EDNRB: variants seen among roughly 807,000 people sequenced by gnomAD.
EDNRB encodes Hirschsprung disease 2.
In EDNRB, 18 loss-of-function variants were observed where a neutral mutation model predicts 46.4. That is an observed-to-expected ratio of 0.39 (90% CI 0.27 to 0.57). The LOEUF (loss-of-function observed/expected upper bound fraction) is 0.57, where lower values mean the gene tolerates loss of function less well. Among genes scored for constraint, EDNRB ranks in the 20% least tolerant of loss-of-function variants. EDNRB has a pLI of 0.61. For synonymous variants in EDNRB, 213 were observed against 204.9 expected (o/e 1.04, Z -0.34); for missense variants, 434 against 537.5 (o/e 0.81, Z 1.90).
chr13:77,965,317 G>A (rs1881549375), intron 1 of EDNRB, among the ~76,000 whole-genome samples: 1 of 152,174 alleles, frequency 6.6e-6, no homozygotes, highest in Admixed American at 6.5e-5. Context: ...TTAGGGATAA[G>A]TGTGAACATT....
At chr13:77,945,879 A>C (rs1338312658) in intron 1 of EDNRB, among the ~76,000 whole-genome samples, 2 of 144,694 alleles carry the variant, frequency 1.4e-5, no homozygotes, top group African/African-American at 2.5e-5. Flanking sequence ...AAAAAACCAA[A>C]AAAAAAAAAA....
rs199907619 is a variant in EDNRB, at chr13:77,895,571, A to G, written c.*2629T>C. The G allele has an allele frequency of 4.6e-5, 7 of 152,070 alleles. No individual in the cohort carries two copies. Among genetic ancestry groups the G allele is most frequent in the African/African-American group, 1.7e-4 (7 of 41,432 alleles). 9.4% of individuals were successfully genotyped at this position (152,070 alleles called of 1,614,324 possible). On this transcript the variant is annotated 3_prime_UTR_variant, in exon 7 of 7. Transcript: ENST00000646607. The stretch of plus-strand genomic sequence containing the variant: ...AACATAAATAATGTCCACTTGTCAC[A>G]TTTATATTTCTTTTAAACAATCAAT...
chr13:77,945,876 C>CAAAAAAA (rs67463440), intron 1 of EDNRB, among the ~76,000 whole-genome samples: 1 of 115,610 alleles, frequency 8.6e-6, no homozygotes, highest in Non-Finnish European at 1.8e-5. Flanking sequence ...TGCAAAAAAC[C>CAAAAAAA]AAAAAAAAAA....
upstream of EDNRB, among the ~76,000 whole-genome samples, chr13:77,921,952 GT>G (rs992858804): frequency 6.2e-4 from 94 of 150,952 alleles, no homozygotes; most frequent in African/African-American, 2.0e-3. Context: ...TATGGATATA[GT>G]TTTTTTTTCA....
At chr13:77,923,051 T>C (rs1335147782), upstream of EDNRB, among the ~76,000 whole-genome samples, 1 of 152,186 alleles carries the variant, frequency 6.6e-6, no homozygotes, top group African/African-American at 2.4e-5. Flanking sequence ...GATTGCTTGA[T>C]GGTACCAAAT....
intron 1 of EDNRB, among the ~76,000 whole-genome samples, chr13:77,967,373 G>A (rs1016761771): frequency 1.3e-5 from 2 of 152,166 alleles, no homozygotes; most frequent in African/African-American, 2.4e-5. Flanking sequence ...ACTTTCTCTA[G>A]CACCATCATC....
At chr13:77,934,178 A>G (rs1447232607) in intron 1 of EDNRB, among the ~76,000 whole-genome samples, 1 of 152,178 alleles carries the variant, frequency 6.6e-6, no homozygotes, top group Non-Finnish European at 1.5e-5. Flanking sequence ...GAGTATGACT[A>G]GAGAGAATAA....
intron 1 of EDNRB, chr13:77,940,073 C>T (rs1199101271): frequency 6.6e-6 from 1 of 151,902 alleles, no homozygotes; most frequent in African/African-American, 2.4e-5. Flanking sequence ...TTATAAAATT[C>T]ATGTCATGGT....
intron 1 of EDNRB, among the ~76,000 whole-genome samples, chr13:77,946,066 T>A (rs915210492): frequency 6.6e-6 from 1 of 152,130 alleles, no homozygotes; most frequent in Non-Finnish European, 1.5e-5. Flanking sequence ...GTCTGAGGCA[T>A]GAATAATTAC....
chr13:77,908,683 A>G (rs1000995477), intron 1 of EDNRB, among the ~76,000 whole-genome samples: 1 of 151,870 alleles, frequency 6.6e-6, no homozygotes, highest in African/African-American at 2.4e-5. Context: ...CTTATTCCCT[A>G]TTTTTAGTTT....
chr13:77,931,744 C>CAAAAAAAAAAAAAAAAAAAAAA (rs67176737), intron 1 of EDNRB, among the ~76,000 whole-genome samples: 111 of 83,162 alleles, frequency 1.3e-3, no homozygotes, highest in South Asian at 1.7e-3. Flanking sequence ...ACTGTAGTAG[C>CAAAAAAAAAAAAAAAAAAAAAA]AAAAAAAAAA....
At position 77,899,220 on chromosome 13, in the gene EDNRB, A is replaced by C. The variant is rs536309579; in HGVS notation, c.1194+639T>G. 4.1e-4 allele frequency among the ~76,000 whole-genome samples: 62 copies of C among 152,062 alleles called. No homozygotes were observed. The South Asian group carries it at 0.013, about 31-fold the overall frequency. On this transcript the variant is annotated intron_variant, in intron 6 of 6. Transcript: ENST00000646607. Reference sequence around the variant, plus strand: ...GCGGGAGCTACGTTCTTAGCTTTCCAGTAGTGAAATACCATGGACAAATGG... The same window carrying C: ...GCGGGAGCTACGTTCTTAGCTTTCCCGTAGTGAAATACCATGGACAAATGG...
chr13:77,931,111 T>G (rs1880384297), intron 1 of EDNRB, among the ~76,000 whole-genome samples: 1 of 152,168 alleles, frequency 6.6e-6, no homozygotes, highest in South Asian at 2.1e-4. Flanking sequence ...ACTAAGATAA[T>G]TTCAGCCTGT....
chr13:77,956,190 T>C (rs1354594805), intron 1 of EDNRB, among the ~76,000 whole-genome samples: 1 of 152,168 alleles, frequency 6.6e-6, no homozygotes, highest in African/African-American at 2.4e-5. Context: ...TGTGTGTGCT[T>C]TAACTTCTTT....
At chr13:77,923,547 T>C (rs1420508307), upstream of EDNRB, among the ~76,000 whole-genome samples, 2 of 152,232 alleles carry the variant, frequency 1.3e-5, no homozygotes, top group Non-Finnish European at 2.9e-5. Flanking sequence ...TTATCATGTG[T>C]AATGCACTCT....
intron 1 of EDNRB, among the ~76,000 whole-genome samples, chr13:77,908,043 A>AAAAAAAAGAGAG (rs4052535): frequency 2.8e-5 from 2 of 72,490 alleles, no homozygotes; most frequent in African/African-American, 6.0e-5. Flanking sequence ...AAAAAAAAAA[A>AAAAAAAAGAGAG]AGAGAGAGAG....
chr13:77,940,339 T>TC (rs398117593), intron 1 of EDNRB, among the ~76,000 whole-genome samples: 5 of 151,578 alleles, frequency 3.3e-5, no homozygotes, highest in Admixed American at 3.3e-4. Context: ...TTTTTTTTTT[T>TC]CATAGAGAAG....
chr13:77,939,646 A>G (rs1880679258), intron 1 of EDNRB: 1 of 152,210 alleles, frequency 6.6e-6, no homozygotes, highest in Non-Finnish European at 1.5e-5. Context: ...CTCAACGAAA[A>G]TATCTGATTC....
intron 3 of EDNRB, 124 bp from the exon 4 acceptor site, chr13:77,901,331 A>G (rs968336645): frequency 4.0e-5 from 41 of 1,031,962 alleles, no homozygotes; most frequent in Admixed American, 2.6e-4. Context: ...CAGTTTGTAT[A>G]TATCATACAG....
Sources: allele counts gnomAD v4.1 joint callset (sites outside exome capture counted in the v4.1 genomes callset), GRCh38; gene constraint gnomAD v4.1.1; transcripts MANE v1.5; gene names NCBI Gene and HGNC (gene_info 2026-07-23, HGNC 2026-07-21).